TCF12: variants seen among roughly 807,000 people sequenced by gnomAD.
TCF12 encodes the protein DNA-binding protein HTF4.
Under a neutral mutation model 86.0 loss-of-function variants are expected in TCF12, and 45 were observed. The observed-to-expected ratio is 0.52, with a 90% CI of 0.41 to 0.67. The LOEUF is 0.67. Ranked by LOEUF, TCF12 falls within the 30% of genes least tolerant of loss-of-function variation. TCF12 has a pLI of 0.00. For synonymous variants in TCF12, 330 were observed against 299.6 expected, an observed-to-expected ratio of 1.10 and a Z score of -1.05; for missense variants, 881 against 859.9, an observed-to-expected ratio of 1.02 and a Z score of -0.31.
chr15:56,946,880 C>T, intron 3 of TCF12, among the ~76,000 whole-genome samples: 1 of 149,730 alleles, frequency 6.7e-6, no homozygotes, highest in Non-Finnish European at 1.5e-5. Flanking sequence ...TCACTGCAAC[C>T]TCTCTCTCCT....
intron 3 of TCF12, among the ~76,000 whole-genome samples, chr15:57,060,401 G>A (rs183516322): frequency 2.0e-5 from 3 of 152,272 alleles, no homozygotes; most frequent in East Asian, 3.9e-4. Flanking sequence ...CAGGTACTAA[G>A]AGATTATCTA....
intron 6 of TCF12, among the ~76,000 whole-genome samples, chr15:57,177,803 C>T (rs775697725): frequency 9.2e-5 from 14 of 152,074 alleles, no homozygotes; most frequent in Non-Finnish European, 1.5e-4. Flanking sequence ...TCACTGCAGC[C>T]TTGACCTCCC....
intron 4 of TCF12, among the ~76,000 whole-genome samples, chr15:57,078,928 AAAAG>A (rs1389741844): frequency 1.3e-5 from 2 of 152,340 alleles, no homozygotes; most frequent in African/African-American, 4.8e-5. Flanking sequence ...AGGGTATAAG[AAAAG>A]AAAGGTAATG....
chr15:56,992,876 G>A (rs2063521323), intron 3 of TCF12, among the ~76,000 whole-genome samples: 1 of 152,196 alleles, frequency 6.6e-6, no homozygotes, highest in Non-Finnish European at 1.5e-5. Context: ...TCATGTGTCA[G>A]TGAGAATTGA....
At chr15:57,128,393 T>C (rs1219529019) in intron 5 of TCF12, among the ~76,000 whole-genome samples, 1 of 152,222 alleles carries the variant, frequency 6.6e-6, no homozygotes, top group Non-Finnish European at 1.5e-5. Context: ...CCACGCAAAG[T>C]GCTTTTGCTC....
chr15:57,271,311 C>T (rs866426270), intron 18 of TCF12, among the ~76,000 whole-genome samples: 16 of 152,240 alleles, frequency 1.1e-4, no homozygotes, highest in Non-Finnish European at 8.8e-5. Context: ...GCCCCTCCCC[C>T]TGCCAAAGTT....
chr15:57,194,709 C>T (rs560420775), intron 7 of TCF12, among the ~76,000 whole-genome samples: 1 of 152,130 alleles, frequency 6.6e-6, no homozygotes, highest in Non-Finnish European at 1.5e-5. Flanking sequence ...CAGTCTCATA[C>T]TTGTGTTAGG....
intron 8 of TCF12, among the ~76,000 whole-genome samples, chr15:57,215,083 T>A (rs2058278135): frequency 6.6e-6 from 1 of 152,190 alleles, no homozygotes; most frequent in African/African-American, 2.4e-5. Context: ...GTAAATTTTC[T>A]AAAATGTGAG....
chr15:56,988,983 A>AACTGTTTAC (rs1337098702), intron 3 of TCF12, among the ~76,000 whole-genome samples: 1 of 152,108 alleles, frequency 6.6e-6, no homozygotes, highest in African/African-American at 2.4e-5. Flanking sequence ...ATCGTGTTTA[A>AACTGTTTAC]ACTGTTTACT....
At chr15:57,177,714 T>C (rs548604164) in intron 6 of TCF12, among the ~76,000 whole-genome samples, 20 of 151,442 alleles carry the variant, frequency 1.3e-4, no homozygotes, top group Middle Eastern at 3.4e-3. Context: ...TATTTACTTA[T>C]TTATTTATTT....
chr15:57,009,901 C>G (rs1385598458), intron 3 of TCF12, among the ~76,000 whole-genome samples: 1 of 152,050 alleles, frequency 6.6e-6, no homozygotes, highest in Non-Finnish European at 1.5e-5. Flanking sequence ...GTAAAACTAA[C>G]TGTTTTATGG....
rs577425081 is a variant in TCF12 at position 57,147,448 on chromosome 15, G to T, written c.326-18954G>T. ...ATAGTTTGTTTTTTAAATTAATCCTGCTTATCTGCTATAATCTTTCATTGA... is the reference window on the plus strand; with the variant it reads ...ATAGTTTGTTTTTTAAATTAATCCTTCTTATCTGCTATAATCTTTCATTGA... On this transcript the variant is annotated intron_variant, in intron 5 of 20. Transcript: ENST00000333725. Among the ~76,000 whole-genome samples the T allele has an allele frequency of 9.7e-4, 147 of 151,926 alleles. 1 individual carries two copies. The highest frequency in any genetic ancestry group is 3.3e-3 in the African/African-American group (136 of 41,444).
intron 5 of TCF12, among the ~76,000 whole-genome samples, chr15:57,135,327 A>C (rs1330245462): frequency 6.6e-6 from 1 of 152,206 alleles, no homozygotes; most frequent in African/African-American, 2.4e-5. Context: ...AACGAAGGGA[A>C]AATTGTTCAA....
intron 4 of TCF12, among the ~76,000 whole-genome samples, chr15:57,065,195 G>A (rs2068770965): frequency 6.6e-6 from 1 of 152,216 alleles, no homozygotes; most frequent in Non-Finnish European, 1.5e-5. Context: ...TTGAGAATCA[G>A]AGGCTGAGAA....
At chr15:57,182,195 G>A (rs1284872266) in intron 6 of TCF12, among the ~76,000 whole-genome samples, 2 of 152,084 alleles carry the variant, frequency 1.3e-5, no homozygotes, top group South Asian at 4.2e-4. Flanking sequence ...TAGGAAGACA[G>A]AAAAATCAAT....
intron 4 of TCF12, among the ~76,000 whole-genome samples, chr15:57,083,741 T>C (rs1389756448): frequency 6.6e-6 from 1 of 152,112 alleles, no homozygotes; most frequent in Non-Finnish European, 1.5e-5. Context: ...TATTCCACCA[T>C]ATCTGGCTGA....
At chr15:57,075,801 T>G (rs552384283) in intron 4 of TCF12, among the ~76,000 whole-genome samples, 1 of 58,722 alleles carries the variant, frequency 1.7e-5, no homozygotes, top group East Asian at 5.2e-4. Context: ...TTTCTTTCTT[T>G]CTTTCTCTCT....
chr15:57,154,806 C>G lies in TCF12; in HGVS notation c.326-11596C>G, dbSNP rs114093534. 7.4e-3 allele frequency among the ~76,000 whole-genome samples: 1,125 copies of G among 152,106 alleles called. 15 individuals are homozygous for G. The highest frequency in any genetic ancestry group is 0.026 in the African/African-American group (1,076 of 41,470). ...TCTTTGCCTAGAATCTAATTTTTTT[C>G]TCTTCTAATTAAGACTTTGTCCTTA... On this transcript the variant is annotated intron_variant, in intron 5 of 20. Transcript: ENST00000333725.
Position 57,166,391 on chromosome 15 carries a change from T to C in TCF12, c.326-11T>C, listed in dbSNP as rs202127960. On this transcript the variant is annotated splice_polypyrimidine_tract_variant and intron_variant, in intron 5 of 20. Transcript: ENST00000333725. ...AGGGTTTTATATAAAGTTAATTTCTTTGTTTTATAGGAAAAACATCAGAGA... is the reference window on the plus strand; with the variant it reads ...AGGGTTTTATATAAAGTTAATTTCTCTGTTTTATAGGAAAAACATCAGAGA... 2.5e-6 allele frequency: 4 copies of C among 1,608,866 alleles called. No individual in the cohort carries two copies. The highest frequency in any genetic ancestry group is 1.7e-5 in the Admixed American group (1 of 59,534).
Sources: gnomAD v4.1 joint callset for allele counts (sites outside exome capture counted in the v4.1 genomes callset) on GRCh38, gnomAD v4.1.1 for gene constraint, MANE v1.5 for transcripts, NCBI Gene and HGNC (gene_info 2026-07-23, HGNC 2026-07-21) for gene names.